GRIK4: variants seen among roughly 807,000 people sequenced by gnomAD.
GRIK4 encodes the protein glutamate receptor ionotropic, kainate 4.
GRIK4 carries 40 observed loss-of-function variants against 104.9 expected under a neutral mutation model. That is an observed-to-expected ratio of 0.38 (90% CI 0.30 to 0.50). The LOEUF (loss-of-function observed/expected upper bound fraction) is 0.50, where lower values mean the gene tolerates loss of function less well. Ranked by LOEUF, GRIK4 falls within the 20% of genes least tolerant of loss-of-function variation. The pLI, the probability that GRIK4 is intolerant of heterozygous loss-of-function variation, is 0.93. For missense variants in GRIK4, 1,047 were observed against 1,308.1 expected, an observed-to-expected ratio of 0.80 and a Z score of 3.08; for synonymous variants, 485 against 524.9, an observed-to-expected ratio of 0.92 and a Z score of 1.04.
intron 8 of GRIK4, among the ~76,000 whole-genome samples, chr11:120,852,259 C>T (rs971832676): frequency 6.6e-6 from 1 of 152,228 alleles, no homozygotes; most frequent in African/African-American, 2.4e-5. Context: ...GAGGGCTTTC[C>T]ACCTGGCCTC....
At chr11:120,804,707 G>C (rs1359722190) in intron 4 of GRIK4, among the ~76,000 whole-genome samples, 2 of 152,238 alleles carry the variant, frequency 1.3e-5, no homozygotes, top group Non-Finnish European at 2.9e-5. Context: ...CTTTCAGTCT[G>C]TCTTTAGGCT....
chr11:120,733,791 A>G (rs1951179863), intron 3 of GRIK4, among the ~76,000 whole-genome samples: 1 of 146,958 alleles, frequency 6.8e-6, no homozygotes, highest in Admixed American at 7.0e-5. Flanking sequence ...AGGCTAGAGT[A>G]TGGTGGCACG....
chr11:120,785,803 C>T (rs1156627399), intron 3 of GRIK4, among the ~76,000 whole-genome samples: 2 of 152,156 alleles, frequency 1.3e-5, no homozygotes, highest in South Asian at 2.1e-4. Context: ...TGCATGCCTC[C>T]GCGTCTCCAT....
chr11:120,753,889 C>T (rs1346253039), intron 3 of GRIK4, among the ~76,000 whole-genome samples: 1 of 152,160 alleles, frequency 6.6e-6, no homozygotes, highest in Non-Finnish European at 1.5e-5. Context: ...AGGCAAGCTT[C>T]ATCACAATCA....
intron 3 of GRIK4, among the ~76,000 whole-genome samples, chr11:120,707,240 C>T (rs778707492): frequency 2.6e-5 from 4 of 152,228 alleles, no homozygotes; most frequent in Non-Finnish European, 4.4e-5. Flanking sequence ...GGACCACACA[C>T]TGTGGGAGCT....
At chr11:120,829,578 C>T (rs1211145499) in intron 6 of GRIK4, among the ~76,000 whole-genome samples, 1 of 152,170 alleles carries the variant, frequency 6.6e-6, no homozygotes, top group African/African-American at 2.4e-5. Context: ...CAGATGTGTC[C>T]TTGCCTGACT....
intron 7 of GRIK4, among the ~76,000 whole-genome samples, chr11:120,836,527 G>A (rs968002420): frequency 5.3e-5 from 8 of 152,226 alleles, no homozygotes; most frequent in Admixed American, 3.9e-4. Context: ...AGTATGTTGT[G>A]TACAAGAACA....
At chr11:120,876,279 TACCAC>T (rs1954802520) in intron 11 of GRIK4, among the ~76,000 whole-genome samples, 3 of 99,700 alleles carry the variant, frequency 3.0e-5, no homozygotes, top group African/African-American at 8.0e-5. Context: ...CCACCACCAC[TACCAC>T]CATCATCACC....
At chr11:120,962,768 A>C (rs1034963972) in intron 18 of GRIK4, 87 bp downstream of exon 18, 3 of 820,484 alleles carry the variant, frequency 3.7e-6, no homozygotes, top group Non-Finnish European at 4.1e-6. Flanking sequence ...CATTGAATCC[A>C]GTACCCCCTG....
intron 3 of GRIK4, among the ~76,000 whole-genome samples, chr11:120,730,369 G>T (rs980417170): frequency 1.3e-5 from 2 of 151,792 alleles, no homozygotes; most frequent in Non-Finnish European, 1.5e-5. Flanking sequence ...AAGAAAGAAA[G>T]GAAAAAAGAG....
intron 1 of GRIK4, among the ~76,000 whole-genome samples, chr11:120,521,098 G>T (rs539208544): frequency 6.6e-6 from 1 of 151,794 alleles, no homozygotes; most frequent in South Asian, 2.1e-4. Flanking sequence ...TTTGTTTTTC[G>T]TTTTTTTGAG....
At chr11:120,851,158 C>A (rs184461163) in intron 8 of GRIK4, among the ~76,000 whole-genome samples, 143 of 152,258 alleles carry the variant, frequency 9.4e-4, no homozygotes, top group South Asian at 2.7e-3. Flanking sequence ...TGCTTAAAAC[C>A]CTTCAGTGGC....
At chr11:120,745,459 G>A (rs1951422729) in intron 3 of GRIK4, among the ~76,000 whole-genome samples, 1 of 152,114 alleles carries the variant, frequency 6.6e-6, no homozygotes, top group South Asian at 2.1e-4. Flanking sequence ...TAAAAGCTGT[G>A]TGCTTGTCCT....
intron 3 of GRIK4, among the ~76,000 whole-genome samples, chr11:120,736,372 G>T (rs764226210): frequency 6.6e-6 from 1 of 152,046 alleles, no homozygotes; most frequent in Non-Finnish European, 1.5e-5. Context: ...AGTCACTTTT[G>T]TTGCTGCCAG....
chr11:120,943,133 C>CACAG (rs1459916724), intron 14 of GRIK4, among the ~76,000 whole-genome samples: 3 of 120,736 alleles, frequency 2.5e-5, no homozygotes, highest in Non-Finnish European at 4.9e-5. Context: ...CACACACACA[C>CACAG]ACACACACAC....
At position 120,513,179 on chromosome 11, in the gene GRIK4, G is replaced by A. The variant is rs1349240405; in HGVS notation, c.-159+1292G>A. On this transcript the variant is annotated intron_variant, in intron 1 of 20. Coordinates refer to ENST00000527524, the MANE Select transcript of GRIK4 (RefSeq NM_014619.5). The surrounding 1 kb of genome is among the most constrained non-coding windows in gnomAD (Gnocchi z 4.5). Reference sequence around the variant, plus strand: ...GGCAGTGGGCAGCTGTCAAGACCAGGCCAAGAGGTCTGAGGGCTGGTCAGG... The same window carrying A: ...GGCAGTGGGCAGCTGTCAAGACCAGACCAAGAGGTCTGAGGGCTGGTCAGG... Among the ~76,000 whole-genome samples, 4 of 152,290 alleles carry A rather than the reference G, an allele frequency of 2.6e-5. No homozygotes were observed. Among genetic ancestry groups the A allele is most frequent in the South Asian group, 2.1e-4 (1 of 4,824 alleles).
intron 1 of GRIK4, among the ~76,000 whole-genome samples, chr11:120,518,749 G>A (rs1947760048): frequency 6.6e-6 from 1 of 152,142 alleles, no homozygotes; most frequent in African/African-American, 2.4e-5. Flanking sequence ...CTCCTGAGTA[G>A]CTGGAATTAC....
chr11:120,715,786 G>T (rs1950820724), intron 3 of GRIK4, among the ~76,000 whole-genome samples: 1 of 152,214 alleles, frequency 6.6e-6, no homozygotes, highest in Non-Finnish European at 1.5e-5. Context: ...TGTACTGGCG[G>T]CAAATGTTCC....
At chr11:120,844,635 G>C (rs192774883) in intron 8 of GRIK4, among the ~76,000 whole-genome samples, 5 of 152,278 alleles carry the variant, frequency 3.3e-5, no homozygotes, top group African/African-American at 1.2e-4. Context: ...GAACCTATCT[G>C]CGTTTCAGCT....
Sources: gnomAD v4.1 joint callset for allele counts (sites outside exome capture counted in the v4.1 genomes callset) on GRCh38, gnomAD v4.1.1 for gene constraint, Gnocchi (gnomAD v3.1) non-coding constraint, MANE v1.5 for transcripts, NCBI Gene and HGNC (gene_info 2026-07-23, HGNC 2026-07-21) for gene names.